Variants in DLG2 observed in about 807,000 individuals in gnomAD.
The protein encoded by DLG2 is disks large homolog 2.
DLG2 carries 45 observed loss-of-function variants against 132.5 expected under a neutral mutation model. The ratio of observed to expected loss-of-function variants is 0.34; its 90% confidence interval spans 0.27 to 0.44. The LOEUF (loss-of-function observed/expected upper bound fraction) is 0.44. Among genes scored for constraint, DLG2 ranks in the 20% least tolerant of loss-of-function variants. The pLI, the probability that DLG2 is intolerant of heterozygous loss-of-function variation, is 1.00. For synonymous variants in DLG2, 424 were observed against 419.6 expected (o/e 1.01, Z -0.13); for missense variants, 1,045 against 1,196.9 (o/e 0.87, Z 1.87).
chr11:84,736,114 T>A (rs2063796916), intron 6 of DLG2, among the ~76,000 whole-genome samples: 2 of 151,834 alleles, frequency 1.3e-5, no homozygotes, highest in Non-Finnish European at 2.9e-5. Context: ...TTTTTGCACA[T>A]GTATATTTAA....
intron 6 of DLG2, chr11:85,021,794 C>T (rs2060095770): frequency 2.0e-6 from 1 of 510,780 alleles, no homozygotes; most frequent in Non-Finnish European, 3.6e-6. Flanking sequence ...GACTGCTGCT[C>T]GAGGTGGGTA....
At chr11:84,561,142 G>T (rs74824878) in intron 6 of DLG2, among the ~76,000 whole-genome samples, 2,333 of 152,122 alleles carry the variant, frequency 0.015, 72 homozygotes, top group African/African-American at 0.053. Context: ...AGTTCAATAG[G>T]TTTAGGTGAT....
chr11:85,212,200 T>C (rs750977895), intron 4 of DLG2, among the ~76,000 whole-genome samples: 16 of 152,054 alleles, frequency 1.1e-4, no homozygotes, highest in Non-Finnish European at 1.6e-4. Context: ...AAATTGTCAG[T>C]CTTTGGATTC....
chr11:84,794,125 T>C (rs959268077), intron 6 of DLG2, among the ~76,000 whole-genome samples: 1 of 152,236 alleles, frequency 6.6e-6, no homozygotes, highest in African/African-American at 2.4e-5. Flanking sequence ...AACCCATTCG[T>C]ATGATAATTT....
chr11:83,948,167 A>G (rs1260645072), intron 14 of DLG2, among the ~76,000 whole-genome samples: 1 of 152,228 alleles, frequency 6.6e-6, no homozygotes, highest in Non-Finnish European at 1.5e-5. Flanking sequence ...AGATTAAAGC[A>G]AAACAAAAAA....
chr11:84,430,455 G>GAAA (rs11397729), intron 7 of DLG2, among the ~76,000 whole-genome samples: 8 of 142,706 alleles, frequency 5.6e-5, no homozygotes, highest in African/African-American at 1.0e-4. Context: ...AAAAAGAAAA[G>GAAA]AAAAAAAAAA....
Position 83,507,081 on chromosome 11 carries a change from C to T in DLG2, c.2194-22853G>A, listed in dbSNP as rs193286031. On this transcript the variant is annotated intron_variant, in intron 21 of 27. Transcript: ENST00000376104. ...GCAACCAAGCAGCTTCATTATGTTC[C>T]TTGGTTCTCCACATATGGTCAAAAG... Among the ~76,000 whole-genome samples the T allele has an allele frequency of 1.3e-3, 203 of 152,234 alleles. 1 individual carries two copies. The highest frequency in any genetic ancestry group is 4.7e-3 in the African/African-American group (195 of 41,534).
chr11:83,775,438 T>A (rs916416228), intron 18 of DLG2, among the ~76,000 whole-genome samples: 16 of 152,202 alleles, frequency 1.1e-4, no homozygotes, highest in African/African-American at 3.9e-4. Context: ...ATGCTTTCTG[T>A]GTCTCAGTTT....
At chr11:84,152,128 A>C (rs2095310551) in intron 9 of DLG2, among the ~76,000 whole-genome samples, 1 of 152,192 alleles carries the variant, frequency 6.6e-6, no homozygotes, top group Admixed American at 6.5e-5. Flanking sequence ...TGATCTATCT[A>C]ATACTGTCAG....
intron 7 of DLG2, among the ~76,000 whole-genome samples, chr11:84,350,173 G>A (rs1413158798): frequency 1.6e-5 from 2 of 122,588 alleles, no homozygotes; most frequent in Admixed American, 1.8e-4. Context: ...GAGAGACTTC[G>A]TCCCCCCCCC....
chr11:84,249,846 T>C (rs1160219135), intron 8 of DLG2, among the ~76,000 whole-genome samples: 1 of 152,196 alleles, frequency 6.6e-6, no homozygotes, highest in African/African-American at 2.4e-5. Flanking sequence ...TAAGAAGCCC[T>C]AGTTCAGTAG....
intron 7 of DLG2, among the ~76,000 whole-genome samples, chr11:84,445,458 G>A (rs2099030882): frequency 6.6e-6 from 1 of 152,090 alleles, no homozygotes; most frequent in African/African-American, 2.4e-5. Context: ...ATATTAACCT[G>A]CTGCCTATTT....
At chr11:85,624,138 C>G (rs1370649549) in intron 2 of DLG2, among the ~76,000 whole-genome samples, 2 of 152,084 alleles carry the variant, frequency 1.3e-5, no homozygotes, top group Non-Finnish European at 2.9e-5. Context: ...TGCGAAGAGA[C>G]TAGAGTGAGA....
chr11:84,180,038 A>G lies in DLG2; in HGVS notation c.574-16527T>C, dbSNP rs149064332. On this transcript the variant is annotated intron_variant, in intron 8 of 27. Coordinates refer to ENST00000376104, the MANE Select transcript of DLG2 (RefSeq NM_001142699.3). Reference sequence around the variant, plus strand: ...AATGACCAGGCATACTAAAAATTAAAAGAATACAGTATGAGGAGACTCAAC... The same window carrying G: ...AATGACCAGGCATACTAAAAATTAAGAGAATACAGTATGAGGAGACTCAAC... 2.5e-3 allele frequency among the ~76,000 whole-genome samples: 383 copies of G among 152,278 alleles called. 6 individuals are homozygous for G. The highest frequency in any genetic ancestry group is 9.1e-4 in the Non-Finnish European group (62 of 68,018).
chr11:84,181,927 A>G (rs2096140764), intron 8 of DLG2, among the ~76,000 whole-genome samples: 1 of 152,304 alleles, frequency 6.6e-6, no homozygotes, highest in African/African-American at 2.4e-5. Context: ...CCACTATTAT[A>G]GTTGGAGACT....
chr11:83,519,660 T>C (rs2095413538), intron 21 of DLG2, among the ~76,000 whole-genome samples: 3 of 152,234 alleles, frequency 2.0e-5, no homozygotes, highest in Admixed American at 6.5e-5. Context: ...AAAACATCAA[T>C]TGTATTGTTA....
intron 3 of DLG2, among the ~76,000 whole-genome samples, chr11:85,498,344 T>C (rs1157583643): frequency 6.6e-6 from 1 of 152,158 alleles, no homozygotes; most frequent in African/African-American, 2.4e-5. Flanking sequence ...TGCCATTACA[T>C]AATGGTAAAG....
chr11:84,418,975 C>A (rs2098939322), intron 7 of DLG2, among the ~76,000 whole-genome samples: 1 of 152,274 alleles, frequency 6.6e-6, no homozygotes, highest in South Asian at 2.1e-4. Context: ...CTTGGAGACA[C>A]AAATTGCTTG....
intron 6 of DLG2, among the ~76,000 whole-genome samples, chr11:84,872,294 C>T (rs112120268): frequency 9.8e-5 from 15 of 152,318 alleles, no homozygotes; most frequent in African/African-American, 3.6e-4. Context: ...TGAAAACTAA[C>T]TAGCCAATTA....
Sources: gnomAD v4.1 joint callset for allele counts (sites outside exome capture counted in the v4.1 genomes callset) on GRCh38, gnomAD v4.1.1 for gene constraint, MANE v1.5 for transcripts, NCBI Gene and HGNC (gene_info 2026-07-23, HGNC 2026-07-21) for gene names.